The following KANK4 variants were observed in gnomAD, a reference collection of about 807,000 sequenced individuals.
KANK4 encodes KN motif and ankyrin repeat domain-containing protein 4.
Under a neutral mutation model 80.8 loss-of-function variants are expected in KANK4, and 50 were observed. The ratio of observed to expected loss-of-function variants is 0.62; its 90% CI spans 0.49 to 0.78. KANK4 has a LOEUF of 0.78. Among genes scored for constraint, KANK4 ranks in the 30% least tolerant of loss-of-function variants. KANK4 has a pLI of 0.00. For missense variants in KANK4, 1,196 were observed against 1,240.1 expected (o/e 0.96, Z 0.53); for synonymous variants, 465 against 506.9 (o/e 0.92, Z 1.11).
intron 9 of KANK4, among the ~76,000 whole-genome samples, chr1:62,238,627 A>T (rs1274401265): frequency 6.8e-6 from 1 of 146,530 alleles, no homozygotes; most frequent in African/African-American, 2.5e-5. Context: ...CTAGTTTTTA[A>T]TGCTCTTTTT....
chr1:62,267,467 A>G (rs867277548), intron 5 of KANK4, among the ~76,000 whole-genome samples: 2 of 152,160 alleles, frequency 1.3e-5, no homozygotes, highest in South Asian at 4.1e-4. Context: ...CTGGGATTAC[A>G]GCTATAAGCT....
At chr1:62,286,296 C>T (rs540361663) in intron 1 of KANK4, among the ~76,000 whole-genome samples, 5 of 152,242 alleles carry the variant, frequency 3.3e-5, no homozygotes, top group South Asian at 2.1e-4. Context: ...GCTGATAGCT[C>T]GTGCCTTCAG....
intron 1 of KANK4, among the ~76,000 whole-genome samples, chr1:62,306,467 C>A (rs1393691717): frequency 2.0e-5 from 3 of 152,098 alleles, no homozygotes; most frequent in African/African-American, 7.2e-5. Flanking sequence ...AGTTACATAT[C>A]ATATATATAC....
chr1:62,270,456 C>T (rs1013899336), intron 4 of KANK4, among the ~76,000 whole-genome samples: 5 of 151,676 alleles, frequency 3.3e-5, no homozygotes, highest in Admixed American at 2.6e-4. Context: ...ATCTCGGCGG[C>T]TCACTGCAAC....
chr1:62,239,078 T>A (rs1019855238), intron 9 of KANK4, among the ~76,000 whole-genome samples: 2 of 150,904 alleles, frequency 1.3e-5, no homozygotes, highest in Non-Finnish European at 3.0e-5. Flanking sequence ...TTTTTTTTTT[T>A]TAATTTTTTA....
intron 2 of KANK4, among the ~76,000 whole-genome samples, chr1:62,276,019 G>A (rs546192516): frequency 1.6e-4 from 25 of 151,826 alleles, no homozygotes; most frequent in Non-Finnish European, 3.1e-4. Flanking sequence ...ATGTCAAAAG[G>A]GACATTGGTA....
chr1:62,299,909 G>A (rs1400999117), intron 1 of KANK4, among the ~76,000 whole-genome samples: 1 of 152,088 alleles, frequency 6.6e-6, no homozygotes, highest in Non-Finnish European at 1.5e-5. Context: ...TGCACACAAT[G>A]CCTCCTTTTC....
chr1:62,238,270 G>A lies in KANK4; in HGVS notation c.*7C>T. 1 of 1,606,144 alleles carries A rather than the reference G, an allele frequency of 6.2e-7. No individual in the cohort carries two copies. Among genetic ancestry groups the A allele is most frequent in the Non-Finnish European group, 8.5e-7 (1 of 1,173,034 alleles). On this transcript the variant is annotated 3_prime_UTR_variant, in exon 10 of 10. Transcript: ENST00000371153. ...TTTGTTCCCCACGGCCAGTTCTTCTGCAGCCCCTACAGCCCCAGGGACCTG... is the reference window on the plus strand; with the variant it reads ...TTTGTTCCCCACGGCCAGTTCTTCTACAGCCCCTACAGCCCCAGGGACCTG...
intron 1 of KANK4, among the ~76,000 whole-genome samples, chr1:62,292,740 C>T (rs1424611164): frequency 6.6e-6 from 1 of 152,160 alleles, no homozygotes; most frequent in Non-Finnish European, 1.5e-5. Context: ...ACCTGTTCTA[C>T]ACAAGGAAGT....
At position 62,274,613 on chromosome 1, in the gene KANK4, C is replaced by T; in HGVS notation, c.491G>A (p.Ser164Asn). 6.2e-7 allele frequency: 1 copy of T among 1,614,028 alleles called. No individual in the cohort carries two copies. Among genetic ancestry groups the T allele is most frequent in the South Asian group, 1.1e-5 (1 of 91,060 alleles). ...SGRPQLLRAS[S>N]MPATLLHSRA... The stretch of plus-strand genomic sequence containing the variant: ...GCTGTGCAGCAGCGTGGCAGGCATG[C>T]TGGATGCTCTCAAGAGCTGGGGCCG... The change falls in exon 3 of 10, where the codon AGC becomes AAC. Residue 164 changes from serine (S) to asparagine (N), a missense_variant. Coordinates refer to ENST00000371153, the MANE Select transcript of KANK4 (RefSeq NM_181712.5).
Position 62,238,056 on chromosome 1 carries a change from C to T in KANK4, c.*221G>A. On this transcript the variant is annotated 3_prime_UTR_variant, in exon 10 of 10. Transcript: ENST00000371153. ...GTACCCCTCACCTTGCACCTTGAAC[C>T]CTGCTCTGAAGCCCGTGTAGTTTTC... The T allele has an allele frequency of 4.1e-6, 2 of 488,640 alleles. No homozygotes were observed. Among genetic ancestry groups the T allele is most frequent in the South Asian group, 4.3e-5 (1 of 23,076 alleles). 30.3% of individuals were successfully genotyped at this position (488,640 alleles called of 1,614,324 possible).
Position 62,319,336 on chromosome 1 carries a change from C to G in KANK4, c.-301G>C, listed in dbSNP as rs867961891. ...CCCGGCGCACCCCTGCGGGCACACC[C>G]ACCGCGGCGGATGCGGGACTGGCCA... is the stretch of plus-strand genomic sequence containing the variant. On this transcript the variant is annotated 5_prime_UTR_variant, in exon 1 of 10. Coordinates refer to ENST00000371153, the MANE Select transcript of KANK4 (RefSeq NM_181712.5). 2 of 151,966 alleles carry G rather than the reference C, an allele frequency of 1.3e-5. No individual in the cohort carries two copies. Among genetic ancestry groups the G allele is most frequent in the South Asian group, 4.1e-4 (2 of 4,838 alleles). The allele number at this position is 151,966 out of a possible 1,614,324, so 9.4% of individuals were successfully genotyped here.
rs547133416 is a variant in KANK4 at position 62,249,731 on chromosome 1, C to T, written c.2683-2059G>A. On this transcript the variant is annotated intron_variant, in intron 8 of 9. Transcript: ENST00000371153. ...CTAATTTTTGTATGTTTAGTAGAGA[C>T]GGGGTTTCACCATGTTGGTCAGGCT... 1.7e-4 allele frequency among the ~76,000 whole-genome samples: 26 copies of T among 151,762 alleles called. No individual in the cohort carries two copies. In the South Asian group the frequency reaches 2.1e-3, roughly 12 times the overall value.
chr1:62,252,820 G>T (rs1671654569), intron 8 of KANK4, among the ~76,000 whole-genome samples: 1 of 152,242 alleles, frequency 6.6e-6, no homozygotes, highest in Non-Finnish European at 1.5e-5. Flanking sequence ...AATTTGCTCA[G>T]TTTCAGACTG....
At chr1:62,279,435 T>C (rs762839388) in intron 2 of KANK4, among the ~76,000 whole-genome samples, 2 of 152,196 alleles carry the variant, frequency 1.3e-5, no homozygotes, top group Non-Finnish European at 2.9e-5. Context: ...TTCCAGGCAC[T>C]GGGCCAGGGT....
Position 62,253,130 on chromosome 1 carries a change from A to G in KANK4, c.2619T>C (p.Asn873=), listed in dbSNP as rs776871936. The stretch of plus-strand genomic sequence containing the variant: ...GCTTCCAGACAACAGCCATGTCTTC[A>G]TTGGTCTCTGCGGAAGCCAAGGGAG... The part of the protein sequence containing the change: ...MITPLASAET[N]EDMAVVWKLL... The change falls in exon 8 of 10, where the codon AAT becomes AAC. Residue 873 remains asparagine (N), a synonymous_variant. Coordinates refer to ENST00000371153, the MANE Select transcript of KANK4 (RefSeq NM_181712.5). The G allele has an allele frequency of 8.4e-5, 135 of 1,613,844 alleles. No homozygotes were observed. Among genetic ancestry groups the G allele is most frequent in the Admixed American group, 1.2e-4 (7 of 59,984 alleles).
At position 62,263,228 on chromosome 1, in the gene KANK4, G is replaced by A. The variant is rs1454629869; in HGVS notation, c.2403C>T (p.Tyr801=). 1.2e-6 allele frequency: 2 copies of A among 1,613,804 alleles called. No homozygotes were observed. The highest frequency in any genetic ancestry group is 1.7e-6 in the Non-Finnish European group (2 of 1,179,948). Residue 801 remains tyrosine (Y), a synonymous_variant, in exon 7 of 10, where the codon TAC becomes TAT. Transcript: ENST00000371153. ...GGGAGTGAGGCTGGACCTCGTGGAG[G>A]TAGGAGGCCACCACGGCGGGGCTAG... The part of the protein sequence containing the change: ...KSSSPAVVAS[Y]LHEVQPHSPH...
chr1:62,299,764 T>C (rs1356548100), intron 1 of KANK4, among the ~76,000 whole-genome samples: 1 of 150,774 alleles, frequency 6.6e-6, no homozygotes, highest in African/African-American at 2.4e-5. Flanking sequence ...ATTTTGAGGG[T>C]AGCAAATGAT....
intron 1 of KANK4, among the ~76,000 whole-genome samples, chr1:62,289,275 G>A (rs1320041330): frequency 6.6e-6 from 1 of 152,206 alleles, no homozygotes; most frequent in Non-Finnish European, 1.5e-5. Context: ...AGTCAAAGCA[G>A]AGGCCTAAAG....
Sources: allele counts gnomAD v4.1 joint callset (sites outside exome capture counted in the v4.1 genomes callset), GRCh38; gene constraint gnomAD v4.1.1; transcripts MANE v1.5; gene names NCBI Gene and HGNC (gene_info 2026-07-23, HGNC 2026-07-21).